STK39: variants seen among roughly 807,000 people sequenced by gnomAD.
STK39 encodes the protein serine/threonine kinase 39.
Under a neutral mutation model 77.8 loss-of-function variants are expected in STK39, and 20 were observed. That is an observed-to-expected ratio of 0.26 (90% confidence interval 0.18 to 0.37). The LOEUF is 0.37. Among genes scored for constraint, STK39 ranks in the 10% least tolerant of loss-of-function variants. The pLI is 1.00. For synonymous variants in STK39, 246 were observed against 234.1 expected (o/e 1.05, Z -0.47); for missense variants, 479 against 656.5 (o/e 0.73, Z 2.95).
At chr2:168,083,080 C>A (rs568421446) in intron 10 of STK39, among the ~76,000 whole-genome samples, 4 of 152,278 alleles carry the variant, frequency 2.6e-5, no homozygotes, top group South Asian at 4.1e-4. Flanking sequence ...AATCCAGCCC[C>A]AAATTATTTA....
intron 16 of STK39, among the ~76,000 whole-genome samples, chr2:168,008,124 T>A (rs1684178068): frequency 6.6e-6 from 1 of 152,146 alleles, no homozygotes. Flanking sequence ...ACATTTCATA[T>A]AAAGAATCAC....
At chr2:168,085,290 A>C (rs1225358998) in intron 10 of STK39, among the ~76,000 whole-genome samples, 2 of 152,242 alleles carry the variant, frequency 1.3e-5, no homozygotes, top group Non-Finnish European at 1.5e-5. Flanking sequence ...CAAGAGCCTT[A>C]GAAAACAGCA....
intron 10 of STK39, among the ~76,000 whole-genome samples, chr2:168,083,786 C>T (rs997221821): frequency 1.3e-5 from 2 of 151,780 alleles, no homozygotes; most frequent in African/African-American, 2.4e-5. Context: ...GAATCTTGTA[C>T]AATCAGGAAG....
chr2:168,033,338 A>C (rs1387274122), intron 14 of STK39, among the ~76,000 whole-genome samples: 1 of 152,142 alleles, frequency 6.6e-6, no homozygotes, highest in African/African-American at 2.4e-5. Flanking sequence ...TCGCATTAGG[A>C]CAAAATCTAA....
intron 16 of STK39, among the ~76,000 whole-genome samples, chr2:167,975,290 T>G (rs1209228284): frequency 6.6e-6 from 1 of 152,154 alleles, no homozygotes; most frequent in African/African-American, 2.4e-5. Context: ...TTCATTCAGT[T>G]TTTTTCAAGG....
chr2:168,216,886 C>T (rs746416412), intron 1 of STK39, among the ~76,000 whole-genome samples: 2 of 152,138 alleles, frequency 1.3e-5, no homozygotes, highest in Non-Finnish European at 2.9e-5. Context: ...CTTTCCCATA[C>T]CAGGAAGCTT....
intron 1 of STK39, among the ~76,000 whole-genome samples, chr2:168,243,507 CAA>C (rs1690824095): frequency 6.6e-6 from 1 of 151,918 alleles, no homozygotes; most frequent in African/African-American, 2.4e-5. Context: ...CCACCCGGGA[CAA>C]AAGTGAAGCA....
At chr2:168,049,240 C>A (rs148451299) in intron 14 of STK39, among the ~76,000 whole-genome samples, 62 of 152,296 alleles carry the variant, frequency 4.1e-4, no homozygotes, top group African/African-American at 1.4e-3. Context: ...GAACACACGG[C>A]TAATGCTGGA....
At chr2:168,020,752 T>C (rs1684549898) in intron 14 of STK39, among the ~76,000 whole-genome samples, 1 of 152,064 alleles carries the variant, frequency 6.6e-6, no homozygotes, top group Non-Finnish European at 1.5e-5. Context: ...TTTTCCATTT[T>C]TTCCATGACT....
At chr2:168,171,522 G>A (rs949150203) in intron 2 of STK39, among the ~76,000 whole-genome samples, 2 of 148,454 alleles carry the variant, frequency 1.3e-5, no homozygotes, top group African/African-American at 5.0e-5. Context: ...ATCTCATTCT[G>A]TTGTCCAGGC....
chr2:168,076,978 G>A (rs1407791511), intron 10 of STK39, among the ~76,000 whole-genome samples: 2 of 152,130 alleles, frequency 1.3e-5, no homozygotes, highest in South Asian at 2.1e-4. Context: ...ATAATTTTCT[G>A]TTGACATATA....
intron 1 of STK39, among the ~76,000 whole-genome samples, chr2:168,229,716 T>C (rs560706337): frequency 2.6e-5 from 4 of 152,340 alleles, no homozygotes; most frequent in Admixed American, 6.5e-5. Context: ...TCATGACTTG[T>C]AGGTGGCAGG....
chr2:168,199,802 C>T (rs879389886), intron 1 of STK39, among the ~76,000 whole-genome samples: 3 of 149,794 alleles, frequency 2.0e-5, no homozygotes, highest in South Asian at 2.1e-4. Context: ...CGTGAGCCAC[C>T]GTGCCTGGCC....
At chr2:168,105,280 C>T (rs1686940381) in intron 10 of STK39, among the ~76,000 whole-genome samples, 1 of 152,190 alleles carries the variant, frequency 6.6e-6, no homozygotes, top group African/African-American at 2.4e-5. Flanking sequence ...CTTCTCCACA[C>T]TCTCCTCCAA....
intron 10 of STK39, among the ~76,000 whole-genome samples, chr2:168,090,469 A>T (rs1686489468): frequency 6.6e-6 from 1 of 152,198 alleles, no homozygotes; most frequent in Admixed American, 6.5e-5. Context: ...TATGAAGAAA[A>T]AGAAAAGTAA....
Position 168,138,071 on chromosome 2 carries a change from C to T in STK39, c.974+17G>A. 2 of 1,611,648 alleles carry T rather than the reference C, an allele frequency of 1.2e-6. No individual in the cohort carries two copies. The highest frequency in any genetic ancestry group is 2.2e-5 in the East Asian group (1 of 44,810). ...GCTCAAACCAGGTCATTAACTCATC[C>T]ACTAAGTTTCACTTACCTTTTGGAA... On this transcript the variant is annotated intron_variant, in intron 8 of 17. Transcript: ENST00000355999.
At position 168,054,915 on chromosome 2, in the gene STK39, T is replaced by C. The variant is rs549316681; in HGVS notation, c.1376+8585A>G. Among the ~76,000 whole-genome samples the C allele has an allele frequency of 4.6e-5, 7 of 152,370 alleles. No individual in the cohort carries two copies. The South Asian group carries it at 1.4e-3, about 32-fold the overall frequency. Reference sequence around the variant, plus strand: ...TAGCTTCTTAGTTTTATCTCTCTTCTTACTGCATTTATCACCTTCTACCTT... The same window carrying C: ...TAGCTTCTTAGTTTTATCTCTCTTCCTACTGCATTTATCACCTTCTACCTT... On this transcript the variant is annotated intron_variant, in intron 14 of 17. Transcript: ENST00000355999.
chr2:168,247,423 T>C lies in STK39; in HGVS notation c.13A>G (p.Ser5Gly). 9 of 1,234,970 alleles carry C rather than the reference T, an allele frequency of 7.3e-6. No individual in the cohort carries two copies. Among genetic ancestry groups the C allele is most frequent in the Non-Finnish European group, 9.2e-6 (9 of 978,874 alleles). 76.5% of individuals were successfully genotyped at this position (1,234,970 alleles called of 1,614,324 possible). The change falls in exon 1 of 18, where the codon AGC becomes GGC. Residue 5 changes from serine to glycine, a missense_variant. Physicochemically the swap from Ser to Gly is moderately conservative, Grantham distance 56. This residue lies in a region of STK39 where 96 missense variants were observed against 79.1 expected (regional missense o/e 1.21). Transcript: ENST00000355999. MAEPSGSPVHVQLPQ... is the reference protein window; with the variant it reads MAEPGGSPVHVQLPQ... Reference sequence around the variant, plus strand: ...AGCTGGACGTGCACGGGCGAGCCGCTCGGCTCCGCCATGATGCTGCGGAGG... The same window carrying C: ...AGCTGGACGTGCACGGGCGAGCCGCCCGGCTCCGCCATGATGCTGCGGAGG...
intron 16 of STK39, among the ~76,000 whole-genome samples, chr2:167,978,293 G>A (rs1444836842): frequency 6.6e-6 from 1 of 152,066 alleles, no homozygotes; most frequent in Non-Finnish European, 1.5e-5. Flanking sequence ...TTTTTGGGAG[G>A]TGCGGGGGAG....
Sources: gnomAD v4.1 joint callset for allele counts (sites outside exome capture counted in the v4.1 genomes callset) on GRCh38, gnomAD v4.1.1 for gene constraint, gnomAD v4.1.1 regional missense constraint, MANE v1.5 for transcripts, NCBI Gene and HGNC (gene_info 2026-07-23, HGNC 2026-07-21) for gene names.